The following SUMF1 variants were observed in gnomAD, a reference collection of about 807,000 sequenced individuals.
The protein encoded by SUMF1 is formylglycine-generating enzyme.
SUMF1 carries 48 observed loss-of-function variants against 47.6 expected under a neutral mutation model. The observed-to-expected ratio is 1.01, with a 90% CI of 0.80 to 1.28. SUMF1 has a LOEUF of 1.28. Ranked by LOEUF, SUMF1 falls within the 50% of genes most tolerant of loss-of-function variation. The pLI, the probability that SUMF1 is intolerant of heterozygous loss-of-function variation, is 0.00. For missense variants in SUMF1, 571 were observed against 485.4 expected, an observed-to-expected ratio of 1.18 and a Z score of -1.66; for synonymous variants, 230 against 192.1, an observed-to-expected ratio of 1.20 and a Z score of -1.63.
intron 8 of SUMF1, among the ~76,000 whole-genome samples, chr3:4,191,495 G>A (rs1454613533): frequency 1.3e-5 from 2 of 152,130 alleles, no homozygotes; most frequent in Non-Finnish European, 1.5e-5. Context: ...GGAAGATTTT[G>A]ACCTAGAAGT....
At chr3:4,111,925 T>C (rs1286329948) in intron 8 of SUMF1, among the ~76,000 whole-genome samples, 3 of 151,724 alleles carry the variant, frequency 2.0e-5, no homozygotes, top group Non-Finnish European at 4.4e-5. Context: ...TTTATAATAA[T>C]GTTAAAGAAA....
chr3:4,253,942 T>G (rs913783619), intron 8 of SUMF1, among the ~76,000 whole-genome samples: 3 of 150,504 alleles, frequency 2.0e-5, no homozygotes, highest in Admixed American at 6.6e-5. Flanking sequence ...CCTCCTCAAG[T>G]GGGTCCCTGA....
chr3:4,359,709 T>TA (rs1254105351), downstream of SUMF1, among the ~76,000 whole-genome samples: 1 of 152,158 alleles, frequency 6.6e-6, no homozygotes, highest in East Asian at 1.9e-4. Context: ...ACTCACTCAC[T>TA]ATCACAAGAA....
Position 4,093,568 on chromosome 3 carries a change from AG to A in SUMF1, c.1015-24824del, listed in dbSNP as rs1373625994. On this transcript the variant is annotated intron_variant and NMD_transcript_variant, in intron 8 of 12. Coordinates refer to the SUMF1 transcript ENST00000448413. ...GCATACAAACACTAAACAAAAAAAA[AG>A]TTTTCTAGATAGAATATTACATGCA... is the stretch of plus-strand genomic sequence containing the variant. 2.6e-5 allele frequency among the ~76,000 whole-genome samples: 4 copies of A among 152,282 alleles called. No homozygotes were observed. In the East Asian group the frequency reaches 5.8e-4, roughly 22 times the overall value.
intron 8 of SUMF1, among the ~76,000 whole-genome samples, chr3:4,345,704 T>C (rs1276205724): frequency 1.3e-5 from 2 of 152,054 alleles, no homozygotes; most frequent in Admixed American, 6.5e-5. Flanking sequence ...TAAATATAAA[T>C]GGGCTAAATA....
rs564152383 is a variant in SUMF1, at chr3:4,368,182, G to T, written c.1015-5928C>A. Reference sequence around the variant, plus strand: ...CCATGAAAAAGTGGGCGAAGGACATGAACAGACACTTCTCAGAAGAAGACA... The same window carrying T: ...CCATGAAAAAGTGGGCGAAGGACATTAACAGACACTTCTCAGAAGAAGACA... On this transcript the variant is annotated intron_variant, in intron 8 of 8. Transcript: ENST00000272902. Among the ~76,000 whole-genome samples, 4 of 152,316 alleles carry T rather than the reference G, an allele frequency of 2.6e-5. No homozygotes were observed. In the South Asian group the frequency reaches 8.3e-4, roughly 32 times the overall value.
intron 8 of SUMF1, among the ~76,000 whole-genome samples, chr3:4,085,898 C>T (rs1692661912): frequency 1.3e-5 from 2 of 152,034 alleles, no homozygotes; most frequent in African/African-American, 4.8e-5. Flanking sequence ...TCATTCCTTT[C>T]CTCTTCTGCC....
At chr3:4,068,657 G>C in exon 9 of SUMF1, 1 of 452,742 alleles carries the variant, frequency 2.2e-6, no homozygotes, top group Admixed American at 2.4e-5. Flanking sequence ...TGGTTCTAGA[G>C]ATGAGAAGGC....
At chr3:4,316,846 A>T in intron 8 of SUMF1, 1 of 1,550,090 alleles carries the variant, frequency 6.5e-7, no homozygotes, top group Non-Finnish European at 8.7e-7. Flanking sequence ...AATCCCGGTG[A>T]AACCATTACA....
chr3:4,072,862 G>A (rs1225676828), intron 8 of SUMF1, among the ~76,000 whole-genome samples: 1 of 152,184 alleles, frequency 6.6e-6, no homozygotes, highest in African/African-American at 2.4e-5. Flanking sequence ...CGTTTGACTG[G>A]TGTACCTGAA....
intron 8 of SUMF1, among the ~76,000 whole-genome samples, chr3:4,104,153 G>A (rs1693102181): frequency 6.6e-6 from 1 of 152,050 alleles, no homozygotes. Context: ...GCAGATAACT[G>A]CATAATGCAG....
In SUMF1 at chr3:4,404,641, G is replaced by A. The variant is rs141137081; in HGVS notation, c.954+6224C>T. ...GCGTGGTGACACATGGCACATGCCC[G>A]TAATCCCAGCTACTTGCGAGGCTGA... is the stretch of plus-strand genomic sequence containing the variant. On this transcript the variant is annotated intron_variant, in intron 7 of 8. Transcript: ENST00000272902. Among the ~76,000 whole-genome samples the A allele has an allele frequency of 7.6e-4, 115 of 152,296 alleles. 1 individual carries two copies. The highest frequency in any genetic ancestry group is 2.7e-3 in the African/African-American group (112 of 41,562).
chr3:4,061,886 G>A (rs1167125700), intron 9 of SUMF1, among the ~76,000 whole-genome samples: 1 of 152,190 alleles, frequency 6.6e-6, no homozygotes, highest in Admixed American at 6.6e-5. Flanking sequence ...TATGTAAGGA[G>A]GCCGCTTTAG....
At chr3:4,076,725 C>A (rs1016551303) in intron 8 of SUMF1, among the ~76,000 whole-genome samples, 1 of 152,146 alleles carries the variant, frequency 6.6e-6, no homozygotes, top group African/African-American at 2.4e-5. Context: ...ACTGGCCGGG[C>A]GTGGTGGCTC....
chr3:4,129,224 G>A (rs1020134619), intron 8 of SUMF1, among the ~76,000 whole-genome samples: 12 of 152,076 alleles, frequency 7.9e-5, no homozygotes, highest in Admixed American at 7.2e-4. Flanking sequence ...TAAATACAAT[G>A]GGAAGAATTG....
intron 8 of SUMF1, among the ~76,000 whole-genome samples, chr3:4,093,265 T>C (rs1437466212): frequency 6.6e-6 from 1 of 152,140 alleles, no homozygotes; most frequent in Non-Finnish European, 1.5e-5. Flanking sequence ...TCATAATTGA[T>C]ATCACTATCA....
At chr3:4,283,732 A>G (rs1231147837) in intron 8 of SUMF1, among the ~76,000 whole-genome samples, 3 of 152,358 alleles carry the variant, frequency 2.0e-5, no homozygotes, top group Admixed American at 6.5e-5. Flanking sequence ...TCAAGCTGCT[A>G]TAATAGAATA....
At chr3:4,232,489 G>A (rs567082614) in intron 8 of SUMF1, among the ~76,000 whole-genome samples, 3 of 151,922 alleles carry the variant, frequency 2.0e-5, no homozygotes, top group African/African-American at 4.8e-5. Flanking sequence ...AGAGAGACAA[G>A]CACCTGAAAA....
intron 6 of SUMF1, among the ~76,000 whole-genome samples, chr3:4,413,033 C>T (rs1323106618): frequency 6.6e-6 from 1 of 151,858 alleles, no homozygotes; most frequent in East Asian, 1.9e-4. Flanking sequence ...TAGACAGGGT[C>T]TTGCTCTGTC....
Sources: gnomAD v4.1 joint callset for allele counts (sites outside exome capture counted in the v4.1 genomes callset) on GRCh38, gnomAD v4.1.1 for gene constraint, MANE v1.5 for transcripts, NCBI Gene and HGNC (gene_info 2026-07-23, HGNC 2026-07-21) for gene names.